UBAC1: variants seen among roughly 807,000 people sequenced by gnomAD.
UBAC1 encodes UBA domain containing 1, also known as ubiquitin-associated domain-containing protein 1.
A neutral mutation model predicts 45.9 loss-of-function variants in UBAC1; 27 were observed. That is an observed-to-expected ratio of 0.59 (90% confidence interval 0.43 to 0.81). The LOEUF (loss-of-function observed/expected upper bound fraction) is 0.81, where lower values mean the gene tolerates loss of function less well. UBAC1 is among the 30% of genes least tolerant of loss of function. The pLI is 0.00. For missense variants in UBAC1, 529 were observed against 539.2 expected (o/e 0.98, Z 0.19); for synonymous variants, 227 against 215.5 (o/e 1.05, Z -0.47).
chr9:135,952,526 C>T (rs1398501832), intron 3 of UBAC1, among the ~76,000 whole-genome samples: 3 of 152,232 alleles, frequency 2.0e-5, no homozygotes, highest in African/African-American at 7.2e-5. Flanking sequence ...TCTAGGGCAG[C>T]CAGTAAACAA....
At chr9:135,950,121 C>G (rs1839390089) in intron 3 of UBAC1, among the ~76,000 whole-genome samples, 1 of 152,222 alleles carries the variant, frequency 6.6e-6, no homozygotes, top group Admixed American at 6.5e-5. Context: ...CCCTTCAGCA[C>G]CCTGAACACA....
At chr9:135,953,839 A>G in intron 2 of UBAC1, 86 bp from the exon 3 acceptor site, 1 of 1,229,002 alleles carries the variant, frequency 8.1e-7, no homozygotes, top group Non-Finnish European at 1.2e-6. Flanking sequence ...TGCCCTGAGA[A>G]CAGAACAGCA....
rs1167055824 is a variant in UBAC1 at position 135,946,365 on chromosome 9, T to C, written c.448A>G (p.Thr150Ala). The C allele has an allele frequency of 6.2e-7, 1 of 1,610,164 alleles. No homozygotes were observed. The highest frequency in any genetic ancestry group is 2.2e-5 in the East Asian group (1 of 44,868). ...AVQTNMRDFQ[T>A]ELRKILVSLI... ...GACACCAGTATCTTCCGGAGTTCTG[T>C]CTGGAACTGTGGTGAAAAAAAAGGA... Residue 150 changes from threonine (T) to alanine (A), a missense_variant, in exon 5 of 10, where the codon ACA becomes GCA. Transcript: ENST00000371756.
At position 135,933,355 on chromosome 9, in the gene UBAC1, A is replaced by ACTCTG. The variant is rs1839166987; in HGVS notation, c.*44_*45insCAGAG. ...TCCACTCTGCCCGGTCTCGGGCCGC[A>ACTCTG]CCAGGGGGCTGCTGTGGCCTGATAG... On this transcript the variant is annotated 3_prime_UTR_variant, in exon 10 of 10. Transcript: ENST00000371756. 1 of 1,564,516 alleles carries ACTCTG rather than the reference A, an allele frequency of 6.4e-7. No individual in the cohort carries two copies. Among genetic ancestry groups the ACTCTG allele is most frequent in the Admixed American group, 1.7e-5 (1 of 59,896 alleles).
rs776281205 is a variant in UBAC1, at chr9:135,955,273, C to T, written c.259+22G>A. ...CAGTGCACGATGCCTGCTGCCAACC[C>T]GCCCGCCCACAGCAGCCTTACCTTG... On this transcript the variant is annotated intron_variant, in intron 2 of 9. Coordinates refer to ENST00000371756, the MANE Select transcript of UBAC1 (RefSeq NM_016172.3). The T allele has an allele frequency of 3.9e-6, 6 of 1,534,392 alleles. No individual in the cohort carries two copies. The Admixed American group carries it at 6.6e-5, about 17-fold the overall frequency.
chr9:135,946,095 C>T, intron 5 of UBAC1, 98 bp from the exon 6 acceptor site: 1 of 1,246,506 alleles, frequency 8.0e-7, no homozygotes, highest in South Asian at 1.3e-5. Context: ...TGAGCTCCAC[C>T]TGCCCGCCCT....
intron 3 of UBAC1, among the ~76,000 whole-genome samples, chr9:135,952,365 A>G (rs994685689): frequency 1.3e-5 from 2 of 152,240 alleles, no homozygotes; most frequent in African/African-American, 4.8e-5. Flanking sequence ...TACCCTTGAG[A>G]TGAGTAATGC....
chr9:135,945,898 T>C lies in UBAC1; in HGVS notation c.644A>G (p.Gln215Arg), dbSNP rs1040356415. 22 of 1,613,866 alleles carry C rather than the reference T, an allele frequency of 1.4e-5. No individual in the cohort carries two copies. In the Middle Eastern group the frequency reaches 8.2e-4, roughly 60 times the overall value. The change falls in exon 6 of 10, where the codon CAG (glutamine) becomes CGG (arginine). Residue 215 changes from glutamine to arginine, a missense_variant. Physicochemically the swap from Gln to Arg is conservative, Grantham distance 43. Coordinates refer to ENST00000371756, the MANE Select transcript of UBAC1 (RefSeq NM_016172.3). ...FPENRATKAL[Q>R]LNHMSVPQAM... is the part of the protein sequence containing the mutation. ...GTGGCCCCCCACGCACTGGTTCAGC[T>C]GAAGGGCCTTGGTGGCTCTGTTCTC... is the stretch of plus-strand genomic sequence containing the variant.
At chr9:135,957,589 G>A (rs1839482648) in intron 1 of UBAC1, among the ~76,000 whole-genome samples, 1 of 151,682 alleles carries the variant, frequency 6.6e-6, no homozygotes, top group Non-Finnish European at 1.5e-5. Context: ...GGAGTAGGGA[G>A]GCCCTCACAC....
At position 135,947,002 on chromosome 9, in the gene UBAC1, A is replaced by T. The variant is rs553850220; in HGVS notation, c.442-631T>A. Among the ~76,000 whole-genome samples the T allele has an allele frequency of 2.0e-5, 3 of 152,284 alleles. No individual in the cohort carries two copies. The South Asian group carries it at 6.2e-4, about 32-fold the overall frequency. On this transcript the variant is annotated intron_variant, in intron 4 of 9. Transcript: ENST00000371756. Reference sequence around the variant, plus strand: ...ACATGCTGGCTGCTGGGGAAAAGCCACCATGCCCTGGTCAGCACAGAACTC... The same window carrying T: ...ACATGCTGGCTGCTGGGGAAAAGCCTCCATGCCCTGGTCAGCACAGAACTC...
chr9:135,961,075 C>T lies in UBAC1; in HGVS notation c.88G>A (p.Ala30Thr). 6.3e-7 allele frequency: 1 copy of T among 1,583,154 alleles called. No homozygotes were observed. The highest frequency in any genetic ancestry group is 8.5e-7 in the Non-Finnish European group (1 of 1,170,364). Residue 30 changes from alanine to threonine, a missense_variant, in exon 1 of 10, where the codon GCC becomes ACC. Transcript: ENST00000371756. ...TTCTCCACCGAGGTGTCCTCGGTGG[C>T]CTCCTCCAGCCACTCGGCGCCGTCG... is the stretch of plus-strand genomic sequence containing the variant. ...ASDGAEWLEEATEDTSVEKLK... is the reference protein window; with the variant it reads ...ASDGAEWLEETTEDTSVEKLK...
At position 135,955,420 on chromosome 9, in the gene UBAC1, G is replaced by T; in HGVS notation, c.139-5C>A. On this transcript the variant is annotated splice_region_variant and splice_polypyrimidine_tract_variant and intron_variant, in intron 1 of 9. Coordinates refer to ENST00000371756, the MANE Select transcript of UBAC1 (RefSeq NM_016172.3). Reference sequence around the variant, plus strand: ...TTCTAAGCTCCCATGAGCACACTGGGGAAAAATAGAAATTTCAAGGTAGAA... The same window carrying T: ...TTCTAAGCTCCCATGAGCACACTGGTGAAAAATAGAAATTTCAAGGTAGAA... 6.5e-7 allele frequency: 1 copy of T among 1,530,262 alleles called. No individual in the cohort carries two copies. The highest frequency in any genetic ancestry group is 8.7e-7 in the Non-Finnish European group (1 of 1,143,300). The allele number at this position is 1,530,262 out of a possible 1,614,324, so 94.8% of individuals were successfully genotyped here.
chr9:135,937,137 A>G (rs1213709263), intron 9 of UBAC1, among the ~76,000 whole-genome samples: 1 of 152,098 alleles, frequency 6.6e-6, no homozygotes, highest in Admixed American at 6.5e-5. Flanking sequence ...TCGGGTGGCA[A>G]AGGCCCTCCC....
At chr9:135,946,983 T>C (rs1588533540) in intron 4 of UBAC1, among the ~76,000 whole-genome samples, 2 of 152,194 alleles carry the variant, frequency 1.3e-5, no homozygotes, top group Admixed American at 1.3e-4. Flanking sequence ...ACACACATGC[T>C]GGCTGCTGGG....
intron 1 of UBAC1, among the ~76,000 whole-genome samples, chr9:135,960,164 ATT>A (rs951195015): frequency 1.3e-5 from 2 of 152,178 alleles, no homozygotes; most frequent in Non-Finnish European, 2.9e-5. Context: ...TTCAACCTAA[ATT>A]CTGCCAAGCC....
chr9:135,945,484 G>A (rs1467559565), intron 6 of UBAC1: 11 of 518,314 alleles, frequency 2.1e-5, no homozygotes, highest in South Asian at 3.2e-5. Context: ...AGAGGCAAGC[G>A]GACCCAGAGA....
At chr9:135,957,241 C>T (rs1004793686) in intron 1 of UBAC1, among the ~76,000 whole-genome samples, 2 of 152,040 alleles carry the variant, frequency 1.3e-5, no homozygotes, top group South Asian at 4.2e-4. Flanking sequence ...GTTGGGGGGA[C>T]GCAGCTACTA....
chr9:135,941,539 C>T (rs1365141104), intron 7 of UBAC1, among the ~76,000 whole-genome samples: 2 of 152,230 alleles, frequency 1.3e-5, no homozygotes, highest in African/African-American at 4.8e-5. Context: ...CAAAGTCATA[C>T]AGAATAGCCT....
intron 6 of UBAC1, 109 bp from the exon 7 acceptor site, chr9:135,945,359 T>G: frequency 1.0e-6 from 1 of 954,246 alleles, no homozygotes; most frequent in Non-Finnish European, 1.5e-6. Context: ...TTCTCCAGCA[T>G]CAGCTGGTGA....
Sources: gnomAD v4.1 joint callset for allele counts (sites outside exome capture counted in the v4.1 genomes callset) on GRCh38, gnomAD v4.1.1 for gene constraint, MANE v1.5 for transcripts, NCBI Gene and HGNC (gene_info 2026-07-23, HGNC 2026-07-21) for gene names.